PTPRG: variants seen among roughly 807,000 people sequenced by gnomAD.
PTPRG encodes receptor-type tyrosine-protein phosphatase gamma.
In PTPRG, 102 loss-of-function variants were observed where a neutral mutation model predicts 165.3. That is an observed-to-expected ratio of 0.62 (90% CI 0.53 to 0.73). The LOEUF (loss-of-function observed/expected upper bound fraction) is 0.73, where lower values mean the gene tolerates loss of function less well. Among genes scored for constraint, PTPRG ranks in the 30% least tolerant of loss-of-function variants. PTPRG has a pLI of 0.00. For synonymous variants in PTPRG, 675 were observed against 669.5 expected (o/e 1.01, Z -0.13); for missense variants, 1,866 against 1,861.4 (o/e 1.00, Z -0.05).
chr3:61,647,568 A>G (rs905349238), intron 1 of PTPRG, among the ~76,000 whole-genome samples: 3 of 152,098 alleles, frequency 2.0e-5, no homozygotes, highest in African/African-American at 7.2e-5. Flanking sequence ...AGGCGGGCGG[A>G]TCACGAAGTC....
At chr3:61,961,892 G>A (rs1200073353) in intron 2 of PTPRG, among the ~76,000 whole-genome samples, 1 of 152,202 alleles carries the variant, frequency 6.6e-6, no homozygotes, top group African/African-American at 2.4e-5. Context: ...TGATGCGCAT[G>A]TGGCTAGAGT....
At chr3:61,631,503 GATATAGTT>G (rs1048213319) in intron 1 of PTPRG, among the ~76,000 whole-genome samples, 1 of 152,134 alleles carries the variant, frequency 6.6e-6, no homozygotes, top group Admixed American at 6.5e-5. Flanking sequence ...CTTTATCATG[GATATAGTT>G]GTATAGAAAA....
At chr3:62,015,187 C>A (rs2041512183) in intron 4 of PTPRG, among the ~76,000 whole-genome samples, 1 of 152,326 alleles carries the variant, frequency 6.6e-6, no homozygotes, top group Non-Finnish European at 1.5e-5. Context: ...ATTAACAGAG[C>A]CTTCTCTGTG....
chr3:62,086,290 C>A (rs371371107), intron 5 of PTPRG, among the ~76,000 whole-genome samples: 2 of 120,738 alleles, frequency 1.7e-5, no homozygotes, highest in Non-Finnish European at 3.4e-5. Context: ...TTTTTTTTTT[C>A]TTTTCATGGT....
chr3:61,753,491 A>G lies in PTPRG; in HGVS notation c.190+4509A>G. On this transcript the variant is annotated intron_variant, in intron 2 of 29. Coordinates refer to ENST00000474889, the MANE Select transcript of PTPRG (RefSeq NM_002841.4). ...CCCAGAACTTCTATAATTATTGCAC[A>G]AAGAGTAACACATGCTAGGCAGGTC... 1.7e-5 allele frequency: 6 copies of G among 351,822 alleles called. No individual in the cohort carries two copies. In the Middle Eastern group the frequency reaches 1.6e-3, roughly 92 times the overall value. 21.8% of individuals were successfully genotyped at this position (351,822 alleles called of 1,614,324 possible).
At chr3:62,204,831 C>T (rs1214121947) in intron 12 of PTPRG, among the ~76,000 whole-genome samples, 1 of 152,158 alleles carries the variant, frequency 6.6e-6, no homozygotes, top group Non-Finnish European at 1.5e-5. Flanking sequence ...GTTGCTCTAT[C>T]ATATGCTCAA....
At chr3:61,759,453 G>A (rs1309230035) in intron 2 of PTPRG, among the ~76,000 whole-genome samples, 1 of 151,782 alleles carries the variant, frequency 6.6e-6, no homozygotes, top group African/African-American at 2.4e-5. Context: ...CGAGGAGTTC[G>A]AGACCAGCTT....
Position 62,252,753 on chromosome 3 carries a change from G to C in PTPRG, c.2468-2371G>C, listed in dbSNP as rs959765876. On this transcript the variant is annotated intron_variant, in intron 15 of 29. Coordinates refer to ENST00000474889, the MANE Select transcript of PTPRG (RefSeq NM_002841.4). This position sits in a 1 kb window ranked among gnomAD's most constrained non-coding sequence, Gnocchi z 4.6. ...AGCCTTATATTCATCTCAGTATAAA[G>C]AAAAGAGATTTATGACTCCTCAGCT... Among the ~76,000 whole-genome samples the C allele has an allele frequency of 2.6e-5, 4 of 152,162 alleles. No individual in the cohort carries two copies. Among genetic ancestry groups the C allele is most frequent in the African/African-American group, 9.7e-5 (4 of 41,440 alleles).
rs140227813 is a variant in PTPRG, at chr3:62,088,007, G to A, written c.615+9749G>A. ...CTATAAAGAGTATAGAATAAATGCT[G>A]TGGTTATGTAAGCATAGTGTGAGTG... On this transcript the variant is annotated intron_variant, in intron 5 of 29. Transcript: ENST00000474889. 1.5e-3 allele frequency among the ~76,000 whole-genome samples: 228 copies of A among 152,286 alleles called. 2 individuals carry two copies. Among genetic ancestry groups the A allele is most frequent in the South Asian group, 0.014 (69 of 4,824 alleles).
At chr3:62,074,198 T>TGTGC (rs1701301741) in intron 4 of PTPRG, among the ~76,000 whole-genome samples, 1 of 151,206 alleles carries the variant, frequency 6.6e-6, no homozygotes, top group Non-Finnish European at 1.5e-5. Context: ...TGTGTGTGTG[T>TGTGC]GTGTGTGTGT....
chr3:62,102,843 A>T (rs1031896422), intron 5 of PTPRG, among the ~76,000 whole-genome samples: 1 of 152,010 alleles, frequency 6.6e-6, no homozygotes, highest in Non-Finnish European at 1.5e-5. Flanking sequence ...AAAGTTGCTC[A>T]TATTACAGGG....
At chr3:62,058,455 C>T (rs1700702986) in intron 4 of PTPRG, among the ~76,000 whole-genome samples, 2 of 152,120 alleles carry the variant, frequency 1.3e-5, no homozygotes, top group Non-Finnish European at 2.9e-5. Context: ...ACATGAGCCA[C>T]TGCACCCAGC....
intron 2 of PTPRG, among the ~76,000 whole-genome samples, chr3:61,970,649 C>T (rs774416114): frequency 2.0e-5 from 3 of 150,990 alleles, no homozygotes; most frequent in Non-Finnish European, 4.4e-5. Context: ...GATGGCTTAA[C>T]TGTGATTTTT....
At chr3:62,226,842 G>C (rs1438622424) in intron 13 of PTPRG, among the ~76,000 whole-genome samples, 6 of 152,176 alleles carry the variant, frequency 3.9e-5, no homozygotes, top group African/African-American at 1.4e-4. Flanking sequence ...TATGCAAATA[G>C]GAAAAGGTCT....
chr3:62,283,038 T>C (rs1472822096), intron 28 of PTPRG, among the ~76,000 whole-genome samples, 169 bp downstream of exon 28: 1 of 152,122 alleles, frequency 6.6e-6, no homozygotes, highest in Non-Finnish European at 1.5e-5. Context: ...TTGCTCTGTT[T>C]ACATTTTAAT....
intron 2 of PTPRG, among the ~76,000 whole-genome samples, chr3:61,897,190 C>G (rs2038380490): frequency 1.3e-5 from 2 of 151,982 alleles, no homozygotes; most frequent in Non-Finnish European, 2.9e-5. Context: ...TACCAAGATT[C>G]TCTCCTATGT....
chr3:61,752,514 C>T (rs745325195), intron 2 of PTPRG, among the ~76,000 whole-genome samples: 9 of 151,924 alleles, frequency 5.9e-5, no homozygotes, highest in South Asian at 4.2e-4. Flanking sequence ...GTTTGCTGGC[C>T]GGGTGCGGTG....
chr3:61,676,168 T>G (rs61685591), intron 1 of PTPRG, among the ~76,000 whole-genome samples: 7,819 of 152,150 alleles, frequency 0.051, 449 homozygotes, highest in African/African-American at 0.14. Context: ...AGAAAGTTAC[T>G]AAAGTCTAGG....
At position 62,213,593 on chromosome 3, in the gene PTPRG, C is replaced by A. The variant is rs11924391; in HGVS notation, c.2156-5258C>A. On this transcript the variant is annotated intron_variant, in intron 12 of 29. Transcript: ENST00000474889. The surrounding 1 kb of genome is among the most constrained non-coding windows in gnomAD (Gnocchi z 4.4). ...AGAGATGGGCATTTACCCAAAGCCA[C>A]ACAGCTGGAAAGGCCTAAGTCAAAA... Among the ~76,000 whole-genome samples the A allele has an allele frequency of 6.6e-6, 1 of 152,022 alleles. No individual in the cohort carries two copies. The highest frequency in any genetic ancestry group is 2.4e-5 in the African/African-American group (1 of 41,362).
Sources: allele counts gnomAD v4.1 joint callset (sites outside exome capture counted in the v4.1 genomes callset), GRCh38; gene constraint gnomAD v4.1.1; non-coding constraint Gnocchi (gnomAD v3.1); transcripts MANE v1.5; gene names NCBI Gene and HGNC (gene_info 2026-07-23, HGNC 2026-07-21).